Variants in SULF1 observed in about 807,000 individuals in gnomAD.
SULF1 encodes the protein sulfatase 1, also known as extracellular sulfatase Sulf-1.
SULF1 carries 46 observed loss-of-function variants against 110.5 expected under a neutral mutation model. The ratio of observed to expected loss-of-function variants is 0.42; its 90% CI spans 0.33 to 0.53. The LOEUF (loss-of-function observed/expected upper bound fraction) is 0.53, where lower values mean the gene tolerates loss of function less well. Ranked by LOEUF, SULF1 falls within the 20% of genes least tolerant of loss-of-function variation. The pLI, the probability that SULF1 is intolerant of heterozygous loss-of-function variation, is 0.12. For synonymous variants in SULF1, 371 were observed against 387.1 expected (o/e 0.96, Z 0.49); for missense variants, 941 against 1,094.2 (o/e 0.86, Z 1.98).
At chr8:69,653,799 A>G (rs1216345509) in intron 22 of SULF1, among the ~76,000 whole-genome samples, 1 of 152,120 alleles carries the variant, frequency 6.6e-6, no homozygotes. Flanking sequence ...CATATAAAAG[A>G]CACTCTTATC....
At chr8:69,504,217 CA>C (rs1362604847) in intron 3 of SULF1, among the ~76,000 whole-genome samples, 3 of 152,092 alleles carry the variant, frequency 2.0e-5, no homozygotes, top group Admixed American at 2.0e-4. Flanking sequence ...CACTTCTCAG[CA>C]CATCTTTATT....
rs1812967770 is a variant in SULF1, at chr8:69,659,407, C to T, written c.*872C>T. 2.8e-6 allele frequency: 1 copy of T among 352,294 alleles called. No homozygotes were observed. Among genetic ancestry groups the T allele is most frequent in the African/African-American group, 2.1e-5 (1 of 46,706 alleles). The allele number at this position is 352,294 out of a possible 1,614,324, so 21.8% of individuals were successfully genotyped here. A position where few individuals can be genotyped will look rare whatever the true frequency, so the allele number is the denominator to read the frequency against. ...TAATAAAGGTAATCACAGCCACCAA[C>T]ATTCCAAGCTACCCTGGGTACCTTT... On this transcript the variant is annotated 3_prime_UTR_variant, in exon 23 of 23. Coordinates refer to ENST00000402687, the MANE Select transcript of SULF1 (RefSeq NM_001128205.2).
intron 11 of SULF1, 41 bp from the exon 12 acceptor site, chr8:69,603,559 C>T (rs181702276): frequency 1.1e-5 from 17 of 1,548,794 alleles, no homozygotes; most frequent in Middle Eastern, 1.7e-4. Context: ...TTTGGAAAAA[C>T]GTCCAGATGC....
At chr8:69,654,008 C>T (rs1384876027) in intron 22 of SULF1, among the ~76,000 whole-genome samples, 1 of 152,172 alleles carries the variant, frequency 6.6e-6, no homozygotes, top group East Asian at 1.9e-4. Context: ...TATGAAAATA[C>T]CTCCTAGGGC....
intron 8 of SULF1, among the ~76,000 whole-genome samples, chr8:69,598,906 C>T (rs1807561316): frequency 1.3e-5 from 2 of 152,174 alleles, no homozygotes; most frequent in South Asian, 4.1e-4. Context: ...AACCAGCACC[C>T]ATCCTGGTCA....
intron 5 of SULF1, among the ~76,000 whole-genome samples, chr8:69,572,683 A>C (rs1396276918): frequency 1.3e-5 from 2 of 152,110 alleles, no homozygotes; most frequent in Non-Finnish European, 1.5e-5. Flanking sequence ...ACAAATTCTC[A>C]GGCCCCATCC....
chr8:69,506,236 A>ACACG (rs34786744), intron 3 of SULF1, among the ~76,000 whole-genome samples: 2 of 30,778 alleles, frequency 6.5e-5, no homozygotes, highest in African/African-American at 3.0e-4. Context: ...CACTAAACAT[A>ACACG]CACACACACA....
rs754254864 is a variant in SULF1, at chr8:69,629,589, C to A, written c.2194C>A (p.Arg732=). 6.2e-7 allele frequency: 1 copy of A among 1,613,860 alleles called. No individual in the cohort carries two copies. Among genetic ancestry groups the A allele is most frequent in the Non-Finnish European group, 8.5e-7 (1 of 1,179,930 alleles). ...GAAGAAGGAGAGGAAGGAGAAGAGA[C>A]GGCAGAGGAAGGGGGAAGAGTGCAG... ...RRKKERKEKR[R]QRKGEECSLP... Residue 732 remains arginine, a synonymous_variant, in exon 19 of 23, where the codon CGG becomes AGG. Transcript: ENST00000402687.
intron 8 of SULF1, among the ~76,000 whole-genome samples, chr8:69,598,767 C>T (rs1221062576): frequency 6.6e-6 from 1 of 152,186 alleles, no homozygotes; most frequent in Non-Finnish European, 1.5e-5. Flanking sequence ...CTCTTTTCCA[C>T]ACTCTAAATC....
intron 1 of SULF1, among the ~76,000 whole-genome samples, chr8:69,470,310 T>C (rs1252251719): frequency 6.6e-6 from 1 of 152,218 alleles, no homozygotes; most frequent in Non-Finnish European, 1.5e-5. Context: ...ACTAAGTCTA[T>C]GATCATGTGG....
chr8:69,613,596 T>A (rs1808841962), intron 13 of SULF1, among the ~76,000 whole-genome samples: 1 of 152,172 alleles, frequency 6.6e-6, no homozygotes, highest in Admixed American at 6.6e-5. Context: ...ATGAAGAGAC[T>A]GAAACTCAGA....
At position 69,500,545 on chromosome 8, in the gene SULF1, T is replaced by C. The variant is rs549582186; in HGVS notation, c.-228-1329T>C. 2.6e-5 allele frequency among the ~76,000 whole-genome samples: 4 copies of C among 152,346 alleles called. No individual in the cohort carries two copies. In the South Asian group the frequency reaches 8.3e-4, roughly 32 times the overall value. ...TTTGACATCACATTCAGATGTAAAC[T>C]TTCACTGTAGGAGATCATGAGGTGC... On this transcript the variant is annotated intron_variant, in intron 2 of 22. Coordinates refer to ENST00000402687, the MANE Select transcript of SULF1 (RefSeq NM_001128205.2).
chr8:69,653,667 A>G (rs1454732637), intron 22 of SULF1, among the ~76,000 whole-genome samples: 1 of 152,212 alleles, frequency 6.6e-6, no homozygotes, highest in Non-Finnish European at 1.5e-5. Context: ...CTCAATCTCC[A>G]GGCCCCTGTC....
At chr8:69,487,432 T>A (rs1036847624) in intron 1 of SULF1, among the ~76,000 whole-genome samples, 7 of 152,106 alleles carry the variant, frequency 4.6e-5, no homozygotes, top group Non-Finnish European at 1.0e-4. Context: ...TCCTTTGAAG[T>A]GGGGGTGCAG....
At chr8:69,504,242 A>T (rs1811011667) in intron 3 of SULF1, among the ~76,000 whole-genome samples, 1 of 151,404 alleles carries the variant, frequency 6.6e-6, no homozygotes, top group South Asian at 2.1e-4. Flanking sequence ...GGAAAATACA[A>T]GTAAGTGTCT....
intron 15 of SULF1, among the ~76,000 whole-genome samples, chr8:69,626,631 G>A (rs1214290178): frequency 6.6e-6 from 1 of 152,242 alleles, no homozygotes; most frequent in Non-Finnish European, 1.5e-5. Flanking sequence ...CTGCCCTGCG[G>A]GAAGGCAGCT....
chr8:69,539,237 C>G (rs973230133), intron 3 of SULF1, among the ~76,000 whole-genome samples: 2 of 152,060 alleles, frequency 1.3e-5, no homozygotes, highest in Non-Finnish European at 2.9e-5. Context: ...GGCTTTTAGA[C>G]TGATTGGGAA....
At chr8:69,604,721 G>T in intron 12 of SULF1, 82 bp from the exon 13 acceptor site, 3 of 1,545,004 alleles carry the variant, frequency 1.9e-6, no homozygotes, top group Admixed American at 3.8e-5. Flanking sequence ...ATGTGACAGG[G>T]TAAAAAAAAA....
At chr8:69,603,489 C>T (rs922431615) in intron 11 of SULF1, 111 bp from the exon 12 acceptor site, 8 of 1,302,400 alleles carry the variant, frequency 6.1e-6, no homozygotes, top group Admixed American at 1.7e-5. Flanking sequence ...GATGGAGATG[C>T]ACTCATGGTC....
Sources: allele counts gnomAD v4.1 joint callset (sites outside exome capture counted in the v4.1 genomes callset), GRCh38; gene constraint gnomAD v4.1.1; transcripts MANE v1.5; gene names NCBI Gene and HGNC (gene_info 2026-07-23, HGNC 2026-07-21).